SLC8A1: variants seen among roughly 807,000 people sequenced by gnomAD.
SLC8A1 encodes sodium/calcium exchanger 1.
Under a neutral mutation model 68.3 loss-of-function variants are expected in SLC8A1, and 18 were observed. The ratio of observed to expected loss-of-function variants is 0.26; its 90% CI spans 0.18 to 0.39. The LOEUF (loss-of-function observed/expected upper bound fraction) is 0.39, where lower values mean the gene tolerates loss of function less well. Among genes scored for constraint, SLC8A1 ranks in the 10% least tolerant of loss-of-function variants. The pLI, the probability that SLC8A1 is intolerant of heterozygous loss-of-function variation, is 1.00. For synonymous variants in SLC8A1, 475 were observed against 415.5 expected, an observed-to-expected ratio of 1.14 and a Z score of -1.74; for missense variants, 985 against 1,156.7, an observed-to-expected ratio of 0.85 and a Z score of 2.15.
intron 5 of SLC8A1, among the ~76,000 whole-genome samples, chr2:40,162,179 C>G (rs1313082885): frequency 1.3e-5 from 2 of 152,200 alleles, no homozygotes; most frequent in Non-Finnish European, 2.9e-5. Context: ...TCTAGAACTG[C>G]TGGTGCCCCT....
At chr2:40,233,141 G>A (rs1014535044) in intron 2 of SLC8A1, among the ~76,000 whole-genome samples, 126 of 152,068 alleles carry the variant, frequency 8.3e-4, no homozygotes, top group African/African-American at 2.7e-3. Flanking sequence ...GTCAAATGGT[G>A]TTTCCAGTTC....
At chr2:40,408,825 AAGAT>A (rs1253070010) in intron 2 of SLC8A1, among the ~76,000 whole-genome samples, 3 of 152,198 alleles carry the variant, frequency 2.0e-5, no homozygotes, top group Admixed American at 6.5e-5. Flanking sequence ...GTTATGCTGA[AAGAT>A]AGAGCATTTG....
intron 2 of SLC8A1, among the ~76,000 whole-genome samples, chr2:40,229,701 C>T (rs2059410474): frequency 6.6e-6 from 1 of 152,132 alleles, no homozygotes; most frequent in South Asian, 2.1e-4. Context: ...CATAACCTAA[C>T]AACTATACTT....
At chr2:40,326,102 A>C (rs1575425303) in intron 2 of SLC8A1, among the ~76,000 whole-genome samples, 1 of 152,058 alleles carries the variant, frequency 6.6e-6, no homozygotes, top group East Asian at 1.9e-4. Context: ...GAAACTGAGG[A>C]TATCTTGTCT....
chr2:40,116,399 G>A (rs985281313), intron 7 of SLC8A1, among the ~76,000 whole-genome samples: 5 of 152,032 alleles, frequency 3.3e-5, no homozygotes, highest in Non-Finnish European at 1.5e-5. Context: ...TGCCATGCTG[G>A]TGTGCTGCAC....
At chr2:40,326,142 A>G (rs1168687640) in intron 2 of SLC8A1, among the ~76,000 whole-genome samples, 1 of 152,032 alleles carries the variant, frequency 6.6e-6, no homozygotes, top group Non-Finnish European at 1.5e-5. Flanking sequence ...AGGTAGCAAA[A>G]CTATAGGACT....
chr2:40,398,463 C>T (rs749098993), intron 2 of SLC8A1, among the ~76,000 whole-genome samples: 3 of 152,150 alleles, frequency 2.0e-5, no homozygotes, highest in East Asian at 3.8e-4. Flanking sequence ...AATAGCAATA[C>T]AATTTCATTA....
At chr2:40,371,963 A>T (rs368782301) in intron 2 of SLC8A1, among the ~76,000 whole-genome samples, 130 of 152,224 alleles carry the variant, frequency 8.5e-4, no homozygotes, top group African/African-American at 3.0e-3. Context: ...GGGATGTAAC[A>T]TCCTACCCAT....
intron 2 of SLC8A1, among the ~76,000 whole-genome samples, chr2:40,293,182 C>T (rs759720211): frequency 6.6e-6 from 1 of 152,202 alleles, no homozygotes; most frequent in South Asian, 2.1e-4. Context: ...GTCTATTGAC[C>T]TCGTTAATTT....
At chr2:40,320,057 G>GCCAA (rs2075000434) in intron 2 of SLC8A1, among the ~76,000 whole-genome samples, 1 of 152,030 alleles carries the variant, frequency 6.6e-6, no homozygotes, top group Non-Finnish European at 1.5e-5. Flanking sequence ...TTTAAGAGAT[G>GCCAA]GGACTCAATA....
Position 40,153,347 on chromosome 2 carries a change from A to G in SLC8A1, c.2161+7418T>C, listed in dbSNP as rs2043813861. On this transcript the variant is annotated intron_variant, in intron 6 of 7. Coordinates refer to ENST00000406785, the Ensembl canonical transcript of SLC8A1. ...GGTTAGAGGTCTTGTCCAGAGCCCC[A>G]TAACTAATTGGTGGCTGCACCAGAA... Among the ~76,000 whole-genome samples the G allele has an allele frequency of 2.0e-5, 3 of 152,208 alleles. No homozygotes were observed. In the South Asian group the frequency reaches 6.2e-4, roughly 32 times the overall value.
At position 40,331,645 on chromosome 2, in the gene SLC8A1, G is replaced by A. The variant is rs149395098; in HGVS notation, c.1808+96828C>T. On this transcript the variant is annotated intron_variant, in intron 2 of 7. Transcript: ENST00000406785. The stretch of plus-strand genomic sequence containing the variant: ...GTCTCGCTCTGTCGCCCAGGCTAGG[G>A]TGCAATGGTGCGATCTCGGCTCACT... Among the ~76,000 whole-genome samples the A allele has an allele frequency of 3.3e-3, 497 of 151,974 alleles. 16 individuals carry two copies. In the East Asian group the frequency reaches 0.061, roughly 19 times the overall value.
At chr2:40,445,008 G>T (rs1445142263) in intron 1 of SLC8A1, among the ~76,000 whole-genome samples, 2 of 152,164 alleles carry the variant, frequency 1.3e-5, no homozygotes, top group African/African-American at 2.4e-5. Context: ...CACACAGGCA[G>T]GAACAAGGCT....
At chr2:40,221,036 A>ATCATCC (rs1341930080) in intron 2 of SLC8A1, among the ~76,000 whole-genome samples, 1 of 152,072 alleles carries the variant, frequency 6.6e-6, no homozygotes, top group Non-Finnish European at 1.5e-5. Flanking sequence ...TGAGGCCAGC[A>ATCATCC]TCATCCTGAT....
At chr2:40,108,330 C>A (rs1001138559) in exon 8 of SLC8A1, 1 of 152,160 alleles carries the variant, frequency 6.6e-6, no homozygotes, top group Non-Finnish European at 1.5e-5. Flanking sequence ...TATGTATGCC[C>A]AACTTTGATT....
chr2:40,115,613 T>C, exon 8 of SLC8A1: 1 of 1,608,718 alleles, frequency 6.2e-7, no homozygotes, highest in Non-Finnish European at 8.5e-7. Flanking sequence ...TGGCTGCCAC[T>C]TTGCTGGCAA....
At chr2:40,273,857 C>A (rs1438179075) in intron 2 of SLC8A1, among the ~76,000 whole-genome samples, 1 of 149,388 alleles carries the variant, frequency 6.7e-6, no homozygotes, top group Non-Finnish European at 1.5e-5. Context: ...AGTTAATATG[C>A]CAAGTCCTTT....
chr2:40,182,510 C>T (rs970238876), intron 2 of SLC8A1, among the ~76,000 whole-genome samples: 53 of 152,082 alleles, frequency 3.5e-4, no homozygotes, highest in African/African-American at 1.3e-3. Context: ...AAAAAACATT[C>T]GGTTAAGAAA....
chr2:40,493,493 T>TAATAAAATAA (rs200158060), intron 1 of SLC8A1, among the ~76,000 whole-genome samples: 10 of 149,926 alleles, frequency 6.7e-5, no homozygotes, highest in African/African-American at 2.0e-4. Flanking sequence ...ACTTAAAGTA[T>TAATAAAATAA]AATAAAATAA....
Sources: allele counts gnomAD v4.1 joint callset (sites outside exome capture counted in the v4.1 genomes callset), GRCh38; gene constraint gnomAD v4.1.1; transcripts MANE v1.5; gene names NCBI Gene and HGNC (gene_info 2026-07-23, HGNC 2026-07-21).